The following PCDHGB5 variants were observed in gnomAD, a reference collection of about 807,000 sequenced individuals.
PCDHGB5 encodes protocadherin gamma-B5.
Under a neutral mutation model 62.9 loss-of-function variants are expected in PCDHGB5, and 48 were observed. The observed-to-expected ratio is 0.76, with a 90% CI of 0.61 to 0.97. The LOEUF is 0.97. Ranked by LOEUF, PCDHGB5 falls within the 50% of genes least tolerant of loss-of-function variation. The probability of loss-of-function intolerance (pLI) is 0.00; values close to 1 mark genes in which losing one functional copy is unlikely to be tolerated. For synonymous variants in PCDHGB5, 474 were observed against 511.2 expected (o/e 0.93, Z 0.98); for missense variants, 1,118 against 1,198.6 (o/e 0.93, Z 0.99).
At chr5:141,425,695 T>G (rs1329762653) in intron 1 of PCDHGB5, among the ~76,000 whole-genome samples, 1 of 152,232 alleles carries the variant, frequency 6.6e-6, no homozygotes, top group African/African-American at 2.4e-5. Context: ...TATCATTTCA[T>G]AGTGGTCAAA....
chr5:141,418,370 C>G (rs910813828), intron 1 of PCDHGB5: 1 of 1,613,822 alleles, frequency 6.2e-7, no homozygotes, highest in African/African-American at 1.3e-5. Flanking sequence ...GAGCAAATAC[C>G]AACTAAGTCC....
chr5:141,444,588 A>G (rs1486905298), intron 1 of PCDHGB5, among the ~76,000 whole-genome samples: 1 of 152,138 alleles, frequency 6.6e-6, no homozygotes, highest in Non-Finnish European at 1.5e-5. Flanking sequence ...CTTTCTACTT[A>G]CCTTATTTAA....
chr5:141,489,091 T>C lies in PCDHGB5; in HGVS notation c.2398-5716T>C. 1 of 333,052 alleles carries C rather than the reference T, an allele frequency of 3.0e-6. No individual in the cohort carries two copies. The highest frequency in any genetic ancestry group is 5.5e-6 in the Non-Finnish European group (1 of 181,380). 20.6% of individuals were successfully genotyped at this position (333,052 alleles called of 1,614,324 possible). On this transcript the variant is annotated intron_variant, in intron 1 of 3. Coordinates refer to ENST00000617380, the MANE Select transcript of PCDHGB5 (RefSeq NM_018925.3). This position sits in a 1 kb window ranked among gnomAD's most constrained non-coding sequence, Gnocchi z 4.5. ...CTGCCCACCCCCGCCACTCGGTGAC[T>C]AAGAACTGCTGCAAGCAGGCAAACC...
intron 1 of PCDHGB5, among the ~76,000 whole-genome samples, chr5:141,462,783 T>C (rs1313584666): frequency 6.6e-6 from 1 of 152,236 alleles, no homozygotes; most frequent in Non-Finnish European, 1.5e-5. Flanking sequence ...CATAATTTGT[T>C]GCTTATTTGC....
intron 1 of PCDHGB5, chr5:141,414,464 A>G (rs1331771342): frequency 1.2e-6 from 2 of 1,613,904 alleles, no homozygotes; most frequent in African/African-American, 1.3e-5. Context: ...ACAGCCACAG[A>G]TGGGGGAAGT....
At chr5:141,413,318 T>C in intron 1 of PCDHGB5, 1 of 1,613,968 alleles carries the variant, frequency 6.2e-7, no homozygotes, top group Non-Finnish European at 8.5e-7. Flanking sequence ...AAAGGCTCTT[T>C]CGTGGGCAAC....
chr5:141,449,497 G>A (rs903338878), intron 1 of PCDHGB5, among the ~76,000 whole-genome samples: 4 of 149,856 alleles, frequency 2.7e-5, no homozygotes, highest in African/African-American at 9.9e-5. Flanking sequence ...GGTGAGGCAT[G>A]AGAAATGCTT....
Position 141,426,411 on chromosome 5 carries a change from C to A in PCDHGB5, c.2397+25887C>A, listed in dbSNP as rs1561821998. 10 of 286,096 alleles carry A rather than the reference C, an allele frequency of 3.5e-5. No homozygotes were observed. In the South Asian group the frequency reaches 3.7e-4, roughly 11 times the overall value. The allele number at this position is 286,096 out of a possible 1,614,324, so 17.7% of individuals were successfully genotyped here. On this transcript the variant is annotated intron_variant, in intron 1 of 3. Coordinates refer to ENST00000617380, the MANE Select transcript of PCDHGB5 (RefSeq NM_018925.3). ...GCTACTCTATTCCAGAAGAAACGGT[C>A]CAGGGCTCCGTGGTGGGGAACCTTG... is the stretch of plus-strand genomic sequence containing the variant.
At chr5:141,408,274 G>T (rs773254664) in intron 1 of PCDHGB5, 2 of 1,611,590 alleles carry the variant, frequency 1.2e-6, no homozygotes, top group Non-Finnish European at 1.7e-6. Flanking sequence ...TGCTGCCTTT[G>T]TTCTACCCCA....
intron 1 of PCDHGB5, chr5:141,415,739 G>GT (rs1561759437): frequency 3.9e-5 from 17 of 435,138 alleles, no homozygotes; most frequent in African/African-American, 2.3e-4. Flanking sequence ...TGTTTATTAA[G>GT]GTTTTTTTTT....
rs1157645386 is a variant in PCDHGB5 at position 141,477,622 on chromosome 5, A to C, written c.2398-17185A>C. On this transcript the variant is annotated intron_variant, in intron 1 of 3. Coordinates refer to ENST00000617380, the MANE Select transcript of PCDHGB5 (RefSeq NM_018925.3). This position sits in a 1 kb window ranked among gnomAD's most constrained non-coding sequence, Gnocchi z 4.9. ...TCTTTCTCTTGGAGCAAGGAGCTGA[A>C]ACCGGGCTAGTGGGTCGCTATTTCA... 1 of 1,614,108 alleles carries C rather than the reference A, an allele frequency of 6.2e-7. No homozygotes were observed. The highest frequency in any genetic ancestry group is 2.2e-5 in the East Asian group (1 of 44,904).
Position 141,399,482 on chromosome 5 carries a change from C to T in PCDHGB5, c.1355C>T (p.Ser452Phe), listed in dbSNP as rs559370708. 8.1e-6 allele frequency: 13 copies of T among 1,613,934 alleles called. No individual in the cohort carries two copies. In the South Asian group the frequency reaches 1.3e-4, roughly 16 times the overall value. ...AACGCTCCGGTTTTCCACCAGGCGT[C>T]CTACTTAGTCAGTGTACCCGAAAAC... Reference protein sequence around the residue: ...NDNAPVFHQASYLVSVPENNP... With the variant: ...NDNAPVFHQAFYLVSVPENNP... The change falls in exon 1 of 4, where the codon TCC becomes TTC. Residue 452 changes from serine to phenylalanine, a missense_variant. Coordinates refer to ENST00000617380, the MANE Select transcript of PCDHGB5 (RefSeq NM_018925.3).
chr5:141,427,434 A>G (rs2097026509), intron 1 of PCDHGB5: 1 of 473,650 alleles, frequency 2.1e-6, no homozygotes, highest in African/African-American at 2.0e-5. Context: ...TACATGCCTC[A>G]TAAACGAAAG....
At position 141,418,812 on chromosome 5, in the gene PCDHGB5, A is replaced by T. The variant is rs761899929; in HGVS notation, c.2397+18288A>T. 4 of 1,613,914 alleles carry T rather than the reference A, an allele frequency of 2.5e-6. No individual in the cohort carries two copies. In the South Asian group the frequency reaches 4.4e-5, roughly 18 times the overall value. On this transcript the variant is annotated intron_variant, in intron 1 of 3. Transcript: ENST00000617380. ...GAAGAAGTAGAAAGATATACGATAA[A>T]CATAGAAGCAAAAGACCGAGGATCT... is the stretch of plus-strand genomic sequence containing the variant.
chr5:141,427,013 T>A, intron 1 of PCDHGB5: 2 of 456,846 alleles, frequency 4.4e-6, no homozygotes, highest in Non-Finnish European at 8.8e-6. Flanking sequence ...TTAGCCAGGA[T>A]GTATACAAAG....
rs368153419 is a variant in PCDHGB5 at position 141,476,458 on chromosome 5, C to T, written c.2398-18349C>T. 1 of 1,614,044 alleles carries T rather than the reference C, an allele frequency of 6.2e-7. No homozygotes were observed. Among genetic ancestry groups the T allele is most frequent in the Non-Finnish European group, 8.5e-7 (1 of 1,180,014 alleles). On this transcript the variant is annotated intron_variant, in intron 1 of 3. Coordinates refer to ENST00000617380, the MANE Select transcript of PCDHGB5 (RefSeq NM_018925.3). The surrounding 1 kb of genome is among the most constrained non-coding windows in gnomAD (Gnocchi z 7.6). ...TAACTCTGGAGTTGGTAGTGGAGAA[C>T]CCGCTGGAGCTGTTCAGCGTGGAAG...
intron 1 of PCDHGB5, among the ~76,000 whole-genome samples, chr5:141,469,914 C>T (rs1451982311): frequency 6.6e-6 from 1 of 152,082 alleles, no homozygotes. Flanking sequence ...GCAGACCACC[C>T]GAGGTCAGGA....
intron 1 of PCDHGB5, among the ~76,000 whole-genome samples, chr5:141,451,365 G>C (rs557753113): frequency 2.0e-5 from 3 of 152,116 alleles, no homozygotes; most frequent in Non-Finnish European, 4.4e-5. Context: ...GGATGGATCC[G>C]CTTCTAATCT....
Position 141,485,996 on chromosome 5 carries a change from G to A in PCDHGB5, c.2398-8811G>A, listed in dbSNP as rs114142606. On this transcript the variant is annotated intron_variant, in intron 1 of 3. Coordinates refer to ENST00000617380, the MANE Select transcript of PCDHGB5 (RefSeq NM_018925.3). The surrounding 1 kb of genome is among the most constrained non-coding windows in gnomAD (Gnocchi z 5.7). ...CTCAGACCCGGACCTGGGTCCCAGT[G>A]GTAACGTCACCTTTTATTTCAGTGG... The A allele has an allele frequency of 1.6e-4, 256 of 1,614,178 alleles. 1 individual carries two copies. Among genetic ancestry groups the A allele is most frequent in the Middle Eastern group, 1.5e-3 (9 of 6,062 alleles).
Sources: gnomAD v4.1 joint callset for allele counts (sites outside exome capture counted in the v4.1 genomes callset) on GRCh38, gnomAD v4.1.1 for gene constraint, Gnocchi (gnomAD v3.1) non-coding constraint, MANE v1.5 for transcripts, NCBI Gene and HGNC (gene_info 2026-07-23, HGNC 2026-07-21) for gene names.